Variants in ATRX observed in about 807,000 individuals in gnomAD.
ATRX encodes the protein chromatin remodeler ATRX.
In ATRX, 12 loss-of-function variants were observed where a neutral mutation model predicts 172.6. That is an observed-to-expected ratio of 0.07 (90% CI 0.04 to 0.11). The LOEUF (loss-of-function observed/expected upper bound fraction) is 0.11. ATRX is among the 10% of genes least tolerant of loss of function. ATRX has a pLI of 1.00. For synonymous variants in ATRX, 674 were observed against 594.7 expected (o/e 1.13, Z -1.94); for missense variants, 1,368 against 1,767.4 (o/e 0.77, Z 4.05).
chrX:77,652,866 G>A (rs1354739507), intron 14 of ATRX, among the ~76,000 whole-genome samples: 3 of 107,967 alleles, frequency 2.8e-5, no homozygotes, highest in Middle Eastern at 4.7e-3. Context: ...AATTAAAAAT[G>A]GGCTACCAAC....
At position 77,664,681 on chromosome X, in the gene ATRX, T is replaced by C. The variant is rs781836912; in HGVS notation, c.3907A>G (p.Thr1303Ala). 3.7e-5 allele frequency: 45 copies of C among 1,209,848 alleles called. No individual in the cohort carries two copies. In the South Asian group the frequency reaches 7.7e-4, roughly 21 times the overall value. ...GGGTTTTCTTCATTTTGTTTTCCAG[T>C]TCTTTTTTTCCCTTCTTCTGGCTCA... is the stretch of plus-strand genomic sequence containing the variant. ...DDEPEEGKKR[T>A]GKQNEENPGD... Residue 1303 changes from threonine to alanine, a missense_variant, in exon 11 of 35, where the codon ACT becomes GCT. Thr to Ala is a moderately conservative substitution (Grantham distance 58). This residue lies in a region of ATRX where 119 missense variants were observed against 131.3 expected (regional missense o/e 0.91). Coordinates refer to ENST00000373344, the MANE Select transcript of ATRX (RefSeq NM_000489.6).
intron 1 of ATRX, among the ~76,000 whole-genome samples, chrX:77,722,918 A>T (rs2148777935): frequency 8.9e-6 from 1 of 112,321 alleles, no homozygotes; most frequent in East Asian, 2.8e-4. Context: ...TATTCACAAT[A>T]GCAAAGACTT....
At chrX:77,616,848 A>ATT (rs1284516346) in intron 21 of ATRX, 118 bp from the exon 22 acceptor site, 6 of 513,325 alleles carry the variant, frequency 1.2e-5, no homozygotes, top group African/African-American at 7.1e-5. Flanking sequence ...TAAACATATA[A>ATT]GAAAACATTT....
intron 1 of ATRX, among the ~76,000 whole-genome samples, chrX:77,723,176 C>G (rs1336028054): frequency 1.8e-5 from 2 of 110,875 alleles, no homozygotes; most frequent in Admixed American, 1.9e-4. Flanking sequence ...ACATCACACA[C>G]TGGGGCCTGT....
chrX:77,732,018 A>C (rs1450359929), intron 1 of ATRX, among the ~76,000 whole-genome samples: 1 of 111,974 alleles, frequency 8.9e-6, no homozygotes, highest in African/African-American at 3.2e-5. Flanking sequence ...GCAAGAGGCC[A>C]ACTTGTTAAC....
In ATRX at chrX:77,522,369, T is replaced by C. The variant is rs368498507; in HGVS notation, c.6869A>G (p.Asn2290Ser). 192 of 1,208,755 alleles carry C rather than the reference T, an allele frequency of 1.6e-4. 1 individual carries two copies. The highest frequency in any genetic ancestry group is 2.0e-4 in the Non-Finnish European group (176 of 894,330). The part of the protein sequence containing the change: ...AEKKGLTMRF[N>S]IPTGTNLPPV... ...GGGTAAATTGGTCCCAGTTGGTATG[T>C]TGAAACGCATGGTCAGTCCCTAAAA... The change falls in exon 32 of 35, where the codon AAC (asparagine) becomes AGC (serine). Residue 2290 changes from asparagine (N) to serine (S), a missense_variant. Asn to Ser is a conservative substitution (Grantham distance 46). Coordinates refer to ENST00000373344, the MANE Select transcript of ATRX (RefSeq NM_000489.6).
rs782549882 is a variant in ATRX at position 77,698,803 on chromosome X, C to G, written c.134-174G>C. ...GTGTTCTTTCACTAGAATCACTCTC[C>G]TTTTGCATACTAACCCCTCCTTATA... On this transcript the variant is annotated intron_variant, in intron 2 of 34. Coordinates refer to ENST00000373344, the MANE Select transcript of ATRX (RefSeq NM_000489.6). 1.7e-5 allele frequency: 8 copies of G among 460,292 alleles called. No individual in the cohort carries two copies. In the African/African-American group the frequency reaches 1.9e-4, roughly 11 times the overall value. The allele number at this position is 460,292 out of a possible 1,213,427, so 37.9% of individuals were successfully genotyped here. A position where few individuals can be genotyped will look rare whatever the true frequency, so the allele number is the denominator to read the frequency against.
chrX:77,643,112 C>T (rs1203240042), intron 15 of ATRX, among the ~76,000 whole-genome samples: 1 of 111,822 alleles, frequency 8.9e-6, no homozygotes, highest in Non-Finnish European at 1.9e-5. Context: ...TCCCACAAAC[C>T]AGAGGGAGCA....
intron 7 of ATRX, 131 bp downstream of exon 7, chrX:77,688,687 C>A: frequency 1.9e-6 from 1 of 531,073 alleles, no homozygotes. Flanking sequence ...GTCTATTTTC[C>A]CCACTATAGT....
chrX:77,554,028 G>A (rs1226955963), intron 30 of ATRX, among the ~76,000 whole-genome samples: 4 of 111,455 alleles, frequency 3.6e-5, no homozygotes, highest in Non-Finnish European at 7.5e-5. Flanking sequence ...TTTTTGGCTG[G>A]GCAAGGTAGC....
intron 30 of ATRX, among the ~76,000 whole-genome samples, chrX:77,525,361 TG>T (rs782811959): frequency 3.8e-4 from 43 of 111,884 alleles, no homozygotes; most frequent in African/African-American, 1.3e-3. Flanking sequence ...TTCTTAAATG[TG>T]TAACTCCTAT....
intron 2 of ATRX, among the ~76,000 whole-genome samples, chrX:77,712,003 T>C (rs1247905602): frequency 1.8e-5 from 2 of 112,029 alleles, no homozygotes; most frequent in Non-Finnish European, 3.8e-5. Context: ...ACCAGAGCTA[T>C]TGGGAGAGTT....
Position 77,634,470 on chromosome X carries a change from A to C in ATRX, c.4809+124T>G, listed in dbSNP as rs1602986892. On this transcript the variant is annotated intron_variant, in intron 17 of 34. Coordinates refer to ENST00000373344, the MANE Select transcript of ATRX (RefSeq NM_000489.6). ...TAGAATATAAGCTCCTTGGAGACAG[A>C]TCTTGTTATTCTTGTTCACTGCTTT... 5.3e-6 allele frequency: 3 copies of C among 567,931 alleles called. No homozygotes were observed. The East Asian group carries it at 1.0e-4, about 19-fold the overall frequency. The allele number at this position is 567,931 out of a possible 1,213,427, so 46.8% of individuals were successfully genotyped here. A position where few individuals can be genotyped will look rare whatever the true frequency, so the allele number is the denominator to read the frequency against.
At chrX:77,758,474 C>T (rs1253087653) in intron 1 of ATRX, among the ~76,000 whole-genome samples, 22 of 98,868 alleles carry the variant, frequency 2.2e-4, no homozygotes, top group African/African-American at 7.4e-4. Flanking sequence ...AGGAAATGCT[C>T]GCCGGGCACG....
intron 21 of ATRX, among the ~76,000 whole-genome samples, chrX:77,618,097 A>C (rs2067429911): frequency 8.9e-6 from 1 of 111,775 alleles, no homozygotes; most frequent in Admixed American, 9.6e-5. Context: ...GATCCATGGT[A>C]GGTTGAATCC....
chrX:77,658,401 G>A (rs2069669811), intron 12 of ATRX, among the ~76,000 whole-genome samples: 1 of 112,005 alleles, frequency 8.9e-6, no homozygotes, highest in Admixed American at 9.5e-5. Context: ...GGTCATCAAA[G>A]TAAAGACTGA....
rs782734220 is a variant in ATRX, at chrX:77,609,640, C to T, written c.5566+6973G>A. ...CCAGGATTACAGGCACATGCCACCT[C>T]GACTTTTGTATTTTTTTTTATAGAC... is the stretch of plus-strand genomic sequence containing the variant. On this transcript the variant is annotated intron_variant, in intron 22 of 34. Transcript: ENST00000373344. Among the ~76,000 whole-genome samples, 11 of 111,549 alleles carry T rather than the reference C, an allele frequency of 9.9e-5. No individual in the cohort carries two copies. The East Asian group carries it at 1.4e-3, about 14-fold the overall frequency.
intron 15 of ATRX, among the ~76,000 whole-genome samples, chrX:77,643,628 G>A (rs1214431408): frequency 9.0e-6 from 1 of 110,978 alleles, no homozygotes; most frequent in African/African-American, 3.3e-5. Flanking sequence ...ATGTTGCCCA[G>A]GCTGGCCTCA....
At chrX:77,519,420 C>T (rs2063155005) in intron 34 of ATRX, among the ~76,000 whole-genome samples, 1 of 111,141 alleles carries the variant, frequency 9.0e-6, no homozygotes, top group Non-Finnish European at 1.9e-5. Context: ...CATCATCAGT[C>T]ATTAGATAAT....
Sources: gnomAD v4.1 joint callset for allele counts (sites outside exome capture counted in the v4.1 genomes callset) on GRCh38, gnomAD v4.1.1 for gene constraint, gnomAD v4.1.1 regional missense constraint, MANE v1.5 for transcripts, NCBI Gene and HGNC (gene_info 2026-07-23, HGNC 2026-07-21) for gene names.